The following SLC15A5 variants were observed in gnomAD, a reference collection of about 807,000 sequenced individuals.
SLC15A5 encodes solute carrier family 15 member 5, also known as Peptide/histidine transporter ENSP00000340402.
In SLC15A5, 58 loss-of-function variants were observed where a neutral mutation model predicts 56.1. The observed-to-expected ratio is 1.03, with a 90% CI of 0.84 to 1.29. SLC15A5 has a LOEUF of 1.29. SLC15A5 is among the 50% of genes most tolerant of loss of function. The pLI, the probability that SLC15A5 is intolerant of heterozygous loss-of-function variation, is 0.00. For synonymous variants in SLC15A5, 264 were observed against 250.5 expected (o/e 1.05, Z -0.51); for missense variants, 681 against 672.1 (o/e 1.01, Z -0.15).
At position 16,211,693 on chromosome 12, in the gene SLC15A5, C is replaced by T. The variant is rs552547148; in HGVS notation, c.1483+5200G>A. Among the ~76,000 whole-genome samples, 4 of 152,232 alleles carry T rather than the reference C, an allele frequency of 2.6e-5. No individual in the cohort carries two copies. The East Asian group carries it at 5.8e-4, about 22-fold the overall frequency. On this transcript the variant is annotated intron_variant, in intron 7 of 8. Coordinates refer to ENST00000344941, the MANE Select transcript of SLC15A5 (RefSeq NM_001170798.1). The stretch of plus-strand genomic sequence containing the variant: ...AAGCAGTCTGACTGACTTCTTCATT[C>T]CCTTATATTAGCATTGCTACTTTTA...
chr12:16,245,179 G>C (rs993759680), intron 3 of SLC15A5, among the ~76,000 whole-genome samples: 1 of 152,068 alleles, frequency 6.6e-6, no homozygotes, highest in Non-Finnish European at 1.5e-5. Flanking sequence ...CAAAGAACTA[G>C]TACTATTTTT....
chr12:16,272,855 G>A, intron 1 of SLC15A5, 72 bp from the exon 2 acceptor site: 1 of 1,330,420 alleles, frequency 7.5e-7, no homozygotes, highest in South Asian at 1.3e-5. Context: ...TTTTAAACAG[G>A]GTTTTTCTCT....
chr12:16,193,305 A>T (rs112294966), intron 8 of SLC15A5, among the ~76,000 whole-genome samples: 2,006 of 152,190 alleles, frequency 0.013, 42 homozygotes, highest in African/African-American at 0.046. Flanking sequence ...AAATGTAAAA[A>T]TTCAGGGAGC....
chr12:16,231,729 G>A (rs766202037), intron 5 of SLC15A5, among the ~76,000 whole-genome samples: 24 of 152,194 alleles, frequency 1.6e-4, no homozygotes, highest in Non-Finnish European at 2.9e-4. Flanking sequence ...TGTGACTTTG[G>A]ATTCAGAGAA....
rs1401608157 is a variant in SLC15A5 at position 16,196,229 on chromosome 12, C to T, written c.1484-1776G>A. Among the ~76,000 whole-genome samples, 1 of 151,942 alleles carries T rather than the reference C, an allele frequency of 6.6e-6. No homozygotes were observed. Among genetic ancestry groups the T allele is most frequent in the Non-Finnish European group, 1.5e-5 (1 of 67,996 alleles). Reference sequence around the variant, plus strand: ...TCCACTTTACCATTTTATTTGGGTTCTATTATAATGAAAATTTATGGTTTT... The same window carrying T: ...TCCACTTTACCATTTTATTTGGGTTTTATTATAATGAAAATTTATGGTTTT... On this transcript the variant is annotated intron_variant, in intron 7 of 8. Transcript: ENST00000344941. The surrounding 1 kb of genome is among the most constrained non-coding windows in gnomAD (Gnocchi z 4.0).
chr12:16,234,751 C>T (rs1462983362), intron 5 of SLC15A5, among the ~76,000 whole-genome samples: 1 of 152,052 alleles, frequency 6.6e-6, no homozygotes, highest in Non-Finnish European at 1.5e-5. Flanking sequence ...AATTAGTCTA[C>T]AATGAAATAA....
chr12:16,265,108 G>A (rs1180039981), intron 2 of SLC15A5, among the ~76,000 whole-genome samples: 2 of 152,162 alleles, frequency 1.3e-5, no homozygotes, highest in African/African-American at 4.8e-5. Context: ...ATATGATCTT[G>A]TTTTCAGTGG....
At chr12:16,233,911 T>C (rs1864323096) in intron 5 of SLC15A5, among the ~76,000 whole-genome samples, 2 of 152,216 alleles carry the variant, frequency 1.3e-5, no homozygotes, top group African/African-American at 4.8e-5. Context: ...AGGCCTGATC[T>C]AGCAAAATCC....
At chr12:16,195,979 C>T (rs3843665) in intron 7 of SLC15A5, among the ~76,000 whole-genome samples, 73,158 of 151,652 alleles carry the variant, frequency 0.48, 18,113 homozygotes, top group South Asian at 0.72. Flanking sequence ...ATAAATAAAA[C>T]GGTAAAGTGC....
chr12:16,192,041 T>C lies in SLC15A5; in HGVS notation c.1593-2226A>G, dbSNP rs568051048. On this transcript the variant is annotated intron_variant, in intron 8 of 8. Transcript: ENST00000344941. ...AGTATAGAAGTGTAGAAGCATGGGC[T>C]TCAGAGACAAATTTGGGGTTGAATC... 5.3e-5 allele frequency among the ~76,000 whole-genome samples: 8 copies of C among 152,206 alleles called. No homozygotes were observed. In the South Asian group the frequency reaches 1.7e-3, roughly 32 times the overall value.
intron 7 of SLC15A5, among the ~76,000 whole-genome samples, chr12:16,197,266 A>G (rs1177719588): frequency 6.6e-6 from 1 of 152,178 alleles, no homozygotes; most frequent in East Asian, 1.9e-4. Context: ...CATTCTCTGT[A>G]TAGCTGATTT....
At chr12:16,270,214 C>G (rs933826844) in intron 2 of SLC15A5, among the ~76,000 whole-genome samples, 4 of 152,104 alleles carry the variant, frequency 2.6e-5, no homozygotes, top group Non-Finnish European at 5.9e-5. Flanking sequence ...CCAGTCTATG[C>G]TACTTAACAT....
chr12:16,251,863 G>C (rs1474670437), intron 3 of SLC15A5, among the ~76,000 whole-genome samples: 1 of 151,768 alleles, frequency 6.6e-6, no homozygotes, highest in Non-Finnish European at 1.5e-5. Flanking sequence ...GACATAACAA[G>C]AAAAGTACAG....
Position 16,272,601 on chromosome 12 carries a change from G to A in SLC15A5, c.544C>T (p.Gln182Ter), listed in dbSNP as rs1864771677. ...ATCGTTTTTTGTGATCCATACTCCT[G>A]AAGGCCAAAAGCACCCAGTGGACAG... ...IVCPLGAFGL[Q>*]EYGSQKTMSF... Residue 182 changes from glutamine to a stop codon, truncating the protein, a stop_gained, in exon 2 of 9, where the codon CAG (glutamine) becomes TAG (stop). Transcript: ENST00000344941. LOFTEE classifies it high-confidence loss of function. 2.0e-6 allele frequency: 3 copies of A among 1,536,758 alleles called. No homozygotes were observed. The African/African-American group carries it at 4.1e-5, about 21-fold the overall frequency.
intron 7 of SLC15A5, among the ~76,000 whole-genome samples, chr12:16,199,207 C>T (rs776786767): frequency 2.6e-5 from 4 of 151,204 alleles, no homozygotes; most frequent in Non-Finnish European, 5.9e-5. Flanking sequence ...CTGAGTGCAA[C>T]CCCAGGTGAC....
At chr12:16,195,192 ACT>A (rs1250376528) in intron 7 of SLC15A5, among the ~76,000 whole-genome samples, 6 of 151,490 alleles carry the variant, frequency 4.0e-5, no homozygotes, top group Non-Finnish European at 7.4e-5. Flanking sequence ...CTGTGCTATA[ACT>A]CTATCTCTAT....
At chr12:16,242,735 C>T (rs1366614001) in intron 4 of SLC15A5, among the ~76,000 whole-genome samples, 1 of 152,044 alleles carries the variant, frequency 6.6e-6, no homozygotes, top group Non-Finnish European at 1.5e-5. Flanking sequence ...AAAGAAGGGT[C>T]CAACTTAGTG....
intron 4 of SLC15A5, among the ~76,000 whole-genome samples, chr12:16,240,372 C>T (rs866833537): frequency 6.6e-6 from 1 of 151,772 alleles, no homozygotes; most frequent in Admixed American, 6.6e-5. Context: ...AATGTGGACA[C>T]GTGTTAATTG....
At chr12:16,255,234 GT>G (rs1019946326) in intron 3 of SLC15A5, among the ~76,000 whole-genome samples, 1 of 152,006 alleles carries the variant, frequency 6.6e-6, no homozygotes, top group African/African-American at 2.4e-5. Context: ...TATATTATGT[GT>G]TTTTTTACCA....
Sources: gnomAD v4.1 joint callset for allele counts (sites outside exome capture counted in the v4.1 genomes callset) on GRCh38, gnomAD v4.1.1 for gene constraint, Gnocchi (gnomAD v3.1) non-coding constraint, MANE v1.5 for transcripts, NCBI Gene and HGNC (gene_info 2026-07-23, HGNC 2026-07-21) for gene names.